ELMO1: variants seen among roughly 807,000 people sequenced by gnomAD.
The protein encoded by ELMO1 is engulfment and cell motility protein 1.
A neutral mutation model predicts 98.9 loss-of-function variants in ELMO1; 26 were observed. That is an observed-to-expected ratio of 0.26 (90% confidence interval 0.19 to 0.36). ELMO1 has a LOEUF of 0.36. Among genes scored for constraint, ELMO1 ranks in the 10% least tolerant of loss-of-function variants. The pLI, the probability that ELMO1 is intolerant of heterozygous loss-of-function variation, is 1.00. For synonymous variants in ELMO1, 346 were observed against 346.0 expected (o/e 1.00, Z 0.00); for missense variants, 627 against 935.2 (o/e 0.67, Z 4.30).
intron 2 of ELMO1, among the ~76,000 whole-genome samples, chr7:37,325,818 G>A (rs2723980): frequency 0.14 from 20,781 of 152,230 alleles, 1,656 homozygotes; most frequent in Middle Eastern, 0.18. Context: ...ACCACTGAGA[G>A]AGGATAGCAT....
chr7:37,348,701 A>C (rs574329182), intron 1 of ELMO1, among the ~76,000 whole-genome samples: 5 of 151,406 alleles, frequency 3.3e-5, no homozygotes, highest in African/African-American at 1.2e-4. Flanking sequence ...AATCGCTTTG[A>C]CTCCCACCTA....
At chr7:37,015,961 C>G (rs1199647209) in intron 15 of ELMO1, among the ~76,000 whole-genome samples, 1 of 152,210 alleles carries the variant, frequency 6.6e-6, no homozygotes, top group Non-Finnish European at 1.5e-5. Flanking sequence ...CTCAGAAGAT[C>G]AACACTGGCA....
At chr7:37,281,414 A>G (rs926981516) in intron 4 of ELMO1, among the ~76,000 whole-genome samples, 2 of 152,178 alleles carry the variant, frequency 1.3e-5, no homozygotes, top group Non-Finnish European at 2.9e-5. Flanking sequence ...AAAAACAATG[A>G]GGCAATACCC....
intron 13 of ELMO1, among the ~76,000 whole-genome samples, chr7:37,159,487 G>C (rs1789043606): frequency 6.6e-6 from 1 of 152,154 alleles, no homozygotes; most frequent in South Asian, 2.1e-4. Context: ...GATCACCTGA[G>C]GTCAGGAGTT....
chr7:37,413,036 G>A (rs866410564), intron 1 of ELMO1, among the ~76,000 whole-genome samples: 2 of 152,166 alleles, frequency 1.3e-5, no homozygotes, highest in African/African-American at 2.4e-5. Context: ...TTATGAAAGA[G>A]AATAAATTAT....
intron 19 of ELMO1, among the ~76,000 whole-genome samples, chr7:36,875,920 AT>A (rs1309252964): frequency 6.6e-6 from 1 of 152,142 alleles, no homozygotes; most frequent in Admixed American, 6.5e-5. Flanking sequence ...TTGAGAAGTG[AT>A]TACATCCCTA....
intron 14 of ELMO1, among the ~76,000 whole-genome samples, chr7:37,130,202 C>G (rs923421516): frequency 6.6e-6 from 1 of 152,134 alleles, no homozygotes; most frequent in African/African-American, 2.4e-5. Context: ...CTTCACCCCC[C>G]ACCCCACCAC....
chr7:37,158,103 T>C (rs1439183006), intron 13 of ELMO1, among the ~76,000 whole-genome samples: 1 of 152,214 alleles, frequency 6.6e-6, no homozygotes. Context: ...GCTAGCCATA[T>C]GTAGAAAGCT....
intron 11 of ELMO1, among the ~76,000 whole-genome samples, chr7:37,215,759 G>A (rs1451402765): frequency 1.3e-5 from 2 of 152,206 alleles, no homozygotes; most frequent in Non-Finnish European, 2.9e-5. Flanking sequence ...CCTGACTCAG[G>A]AGCTTCCCCT....
intron 2 of ELMO1, among the ~76,000 whole-genome samples, chr7:37,325,321 G>A (rs890853713): frequency 1.1e-4 from 16 of 152,212 alleles, no homozygotes; most frequent in African/African-American, 2.7e-4. Flanking sequence ...CCTCCCAGGC[G>A]CGTGGCTGCT....
chr7:37,200,840 G>A (rs1031529060), intron 13 of ELMO1, among the ~76,000 whole-genome samples: 1 of 151,742 alleles, frequency 6.6e-6, no homozygotes, highest in African/African-American at 2.4e-5. Context: ...GGTGGTGAGC[G>A]CCTGTGGTCC....
At chr7:37,112,100 A>G (rs1160982118) in intron 14 of ELMO1, among the ~76,000 whole-genome samples, 1 of 152,180 alleles carries the variant, frequency 6.6e-6, no homozygotes, top group Non-Finnish European at 1.5e-5. Context: ...GGGGGAAAAA[A>G]GAGGAACACA....
intron 1 of ELMO1, among the ~76,000 whole-genome samples, chr7:37,405,055 C>A (rs1462844850): frequency 2.6e-5 from 4 of 152,078 alleles, no homozygotes; most frequent in Non-Finnish European, 5.9e-5. Flanking sequence ...TGTGGCCAGA[C>A]CAATGAAGCA....
At chr7:37,167,783 A>G (rs1392299308) in intron 13 of ELMO1, among the ~76,000 whole-genome samples, 4 of 150,492 alleles carry the variant, frequency 2.7e-5, no homozygotes, top group African/African-American at 4.9e-5. Context: ...TTTTTCCTTC[A>G]TTTCAACTTT....
intron 7 of ELMO1, among the ~76,000 whole-genome samples, chr7:37,236,242 A>T (rs1280355929): frequency 6.6e-6 from 1 of 152,206 alleles, no homozygotes; most frequent in Non-Finnish European, 1.5e-5. Context: ...TGGGAAAAAA[A>T]AGCTGGAGAG....
At chr7:37,207,307 T>C (rs1047603793) in intron 13 of ELMO1, among the ~76,000 whole-genome samples, 18 of 152,136 alleles carry the variant, frequency 1.2e-4, no homozygotes, top group Non-Finnish European at 1.8e-4. Flanking sequence ...TCCCAGCACT[T>C]TGGGAGGCCA....
chr7:37,321,775 T>C (rs764603957), intron 2 of ELMO1, among the ~76,000 whole-genome samples: 9 of 139,660 alleles, frequency 6.4e-5, no homozygotes, highest in Non-Finnish European at 1.4e-4. Flanking sequence ...AGGAGAAAAA[T>C]TAATTTAGTT....
At chr7:37,361,438 T>A (rs912602240) in intron 1 of ELMO1, among the ~76,000 whole-genome samples, 2 of 152,234 alleles carry the variant, frequency 1.3e-5, no homozygotes, top group Non-Finnish European at 2.9e-5. Flanking sequence ...AAAGTTTTAT[T>A]GGAACAAAGC....
intron 16 of ELMO1, among the ~76,000 whole-genome samples, chr7:37,001,365 C>T (rs572596728): frequency 2.0e-5 from 3 of 152,264 alleles, no homozygotes; most frequent in Admixed American, 2.0e-4. Flanking sequence ...TTGAATTAAA[C>T]ATTTCTGGCC....
Sources: gnomAD v4.1 joint callset for allele counts (sites outside exome capture counted in the v4.1 genomes callset) on GRCh38, gnomAD v4.1.1 for gene constraint, MANE v1.5 for transcripts, NCBI Gene and HGNC (gene_info 2026-07-23, HGNC 2026-07-21) for gene names.